The following FOXK1 variants were observed in gnomAD, a reference collection of about 807,000 sequenced individuals.
FOXK1 encodes forkhead box protein K1.
FOXK1 carries 19 observed loss-of-function variants against 51.9 expected under a neutral mutation model. That is an observed-to-expected ratio of 0.37 (90% CI 0.26 to 0.54). The LOEUF (loss-of-function observed/expected upper bound fraction) is 0.54. Among genes scored for constraint, FOXK1 ranks in the 20% least tolerant of loss-of-function variants. The pLI is 0.87. For missense variants in FOXK1, 870 were observed against 1,032.7 expected, an observed-to-expected ratio of 0.84 and a Z score of 2.16; for synonymous variants, 537 against 482.6, an observed-to-expected ratio of 1.11 and a Z score of -1.48.
At chr7:4,710,892 A>C (rs1368055290) in intron 1 of FOXK1, among the ~76,000 whole-genome samples, 1 of 151,190 alleles carries the variant, frequency 6.6e-6, no homozygotes. Flanking sequence ...GCTTGTTGTG[A>C]CTCTTGTTCC....
rs150285812 is a variant in FOXK1, at chr7:4,726,180, T to C, written c.561-14658T>C. ...AATTTGGATAGGAATGTCTATGCAG[T>C]GAGGGACAGGAGGCTTCCGTGTGTT... On this transcript the variant is annotated intron_variant, in intron 1 of 8. Coordinates refer to ENST00000328914, the MANE Select transcript of FOXK1 (RefSeq NM_001037165.2). Among the ~76,000 whole-genome samples the C allele has an allele frequency of 7.5e-3, 1,148 of 152,240 alleles. 12 individuals are homozygous for C. The highest frequency in any genetic ancestry group is 0.027 in the African/African-American group (1,102 of 41,544).
Position 4,767,853 on chromosome 7 carries a change from CGGTG to C in FOXK1, c.*5393_*5396del, listed in dbSNP as rs1340265446. The C allele has an allele frequency of 6.6e-6, 1 of 152,044 alleles. No homozygotes were observed. Among genetic ancestry groups the C allele is most frequent in the East Asian group, 1.9e-4 (1 of 5,152 alleles). The allele number at this position is 152,044 out of a possible 1,614,324, so 9.4% of individuals were successfully genotyped here. A position where few individuals can be genotyped will look rare whatever the true frequency, so the allele number is the denominator to read the frequency against. On this transcript the variant is annotated 3_prime_UTR_variant, in exon 9 of 9. Transcript: ENST00000328914. The surrounding 1 kb of genome is among the most constrained non-coding windows in gnomAD (Gnocchi z 6.6). Reference sequence around the variant, plus strand: ...GGAATCTGTGCTTTGCAGGGGATCTCGGTGGGTACCGCGGCCCCTCGCAGGGTGG... The same window carrying C: ...GGAATCTGTGCTTTGCAGGGGATCTCGGTACCGCGGCCCCTCGCAGGGTGG...
At chr7:4,696,937 G>A (rs539210503) in intron 1 of FOXK1, among the ~76,000 whole-genome samples, 8 of 152,170 alleles carry the variant, frequency 5.3e-5, no homozygotes, top group Non-Finnish European at 1.5e-5. Context: ...GCATGGTGGT[G>A]TGCTCCTGTA....
rs997534180 is a variant in FOXK1 at position 4,729,747 on chromosome 7, T to C, written c.561-11091T>C. On this transcript the variant is annotated intron_variant, in intron 1 of 8. Transcript: ENST00000328914. The surrounding 1 kb of genome is among the most constrained non-coding windows in gnomAD (Gnocchi z 6.2). Reference sequence around the variant, plus strand: ...GCTCACGCCTGTAATCCCAGCACTTTGGGAGGCCAAGGCAGGTGGATCACC... The same window carrying C: ...GCTCACGCCTGTAATCCCAGCACTTCGGGAGGCCAAGGCAGGTGGATCACC... 1.6e-4 allele frequency among the ~76,000 whole-genome samples: 25 copies of C among 152,190 alleles called. No individual in the cohort carries two copies. Among genetic ancestry groups the C allele is most frequent in the Admixed American group, 1.3e-4 (2 of 15,280 alleles).
Position 4,761,107 on chromosome 7 carries a change from G to C in FOXK1, c.1740G>C (p.Ala580=), listed in dbSNP as rs780896615. The C allele has an allele frequency of 1.9e-6, 3 of 1,613,010 alleles. No individual in the cohort carries two copies. Among genetic ancestry groups the C allele is most frequent in the Middle Eastern group, 3.3e-4 (2 of 6,054 alleles). Residue 580 remains alanine, a synonymous_variant, in exon 8 of 9, where the codon GCG becomes GCC. Coordinates refer to ENST00000328914, the MANE Select transcript of FOXK1 (RefSeq NM_001037165.2). The surrounding 1 kb of genome is among the most constrained non-coding windows in gnomAD (Gnocchi z 6.2). The stretch of plus-strand genomic sequence containing the variant: ...CCATTGCGTTTGCCACAATCCCCGC[G>C]GCTGGTGGAGTCATCCAGACGGTGG... ...KPTIAFATIP[A]AGGVIQTVAS... is the part of the protein sequence containing the mutation.
rs570203452 is a variant in FOXK1 at position 4,747,629 on chromosome 7, G to A, written c.746+6606G>A. Among the ~76,000 whole-genome samples the A allele has an allele frequency of 4.8e-4, 73 of 152,024 alleles. No individual in the cohort carries two copies. Among genetic ancestry groups the A allele is most frequent in the South Asian group, 2.3e-3 (11 of 4,816 alleles). ...CAGCTCACTGCAACCTCAACCTCCC[G>A]GGCTCAAGCGATCCTCCCACTGCAG... On this transcript the variant is annotated intron_variant, in intron 2 of 8. Coordinates refer to ENST00000328914, the MANE Select transcript of FOXK1 (RefSeq NM_001037165.2). This position sits in a 1 kb window ranked among gnomAD's most constrained non-coding sequence, Gnocchi z 9.2.
intron 1 of FOXK1, among the ~76,000 whole-genome samples, chr7:4,737,305 C>T (rs1780565452): frequency 1.3e-5 from 2 of 152,176 alleles, no homozygotes; most frequent in Admixed American, 1.3e-4. Context: ...TGGTCTGTTT[C>T]GTTGATTTGC....
At chr7:4,705,323 G>T (rs1234626333) in intron 1 of FOXK1, among the ~76,000 whole-genome samples, 1 of 151,974 alleles carries the variant, frequency 6.6e-6, no homozygotes, top group Non-Finnish European at 1.5e-5. Flanking sequence ...CAGTAGCTGG[G>T]ACTACAGGCG....
At chr7:4,687,951 G>T (rs930127317) in intron 1 of FOXK1, among the ~76,000 whole-genome samples, 18 of 152,048 alleles carry the variant, frequency 1.2e-4, no homozygotes, top group Non-Finnish European at 2.2e-4. Flanking sequence ...AGGTTAGTCT[G>T]GAACTCCTGC....
rs866161212 is a variant in FOXK1 at position 4,762,720 on chromosome 7, C to G, written c.*256C>G. ...TCTTTGCTTTCCTTTCCTTCTCCCT[C>G]GGCACCACCTCCTCTCCCCAGGCCT... On this transcript the variant is annotated 3_prime_UTR_variant, in exon 9 of 9. Transcript: ENST00000328914. This position sits in a 1 kb window ranked among gnomAD's most constrained non-coding sequence, Gnocchi z 5.7. 27 of 490,418 alleles carry G rather than the reference C, an allele frequency of 5.5e-5. No individual in the cohort carries two copies. Among genetic ancestry groups the G allele is most frequent in the Non-Finnish European group, 7.0e-5 (19 of 269,800 alleles). The allele number at this position is 490,418 out of a possible 1,614,324, so 30.4% of individuals were successfully genotyped here.
At chr7:4,720,928 A>C in intron 1 of FOXK1, among the ~76,000 whole-genome samples, 1 of 151,860 alleles carries the variant, frequency 6.6e-6, no homozygotes, top group East Asian at 1.9e-4. Flanking sequence ...AAAAGAAAAA[A>C]AAAACTCAAC....
At chr7:4,700,671 C>A (rs1211121124) in intron 1 of FOXK1, among the ~76,000 whole-genome samples, 1 of 152,094 alleles carries the variant, frequency 6.6e-6, no homozygotes, top group Non-Finnish European at 1.5e-5. Flanking sequence ...CAAAAATTAG[C>A]CAGGTGTGGT....
At position 4,682,375 on chromosome 7, in the gene FOXK1, C is replaced by T; in HGVS notation, c.67C>T (p.Pro23Ser). The T allele has an allele frequency of 1.0e-6, 1 of 986,790 alleles. No homozygotes were observed. The allele number at this position is 986,790 out of a possible 1,614,324, so 61.1% of individuals were successfully genotyped here. Residue 23 changes from proline (P) to serine (S), a missense_variant, in exon 1 of 9, where the codon CCA (proline) becomes TCA (serine). Coordinates refer to ENST00000328914, the MANE Select transcript of FOXK1 (RefSeq NM_001037165.2). This position sits in a 1 kb window ranked among gnomAD's most constrained non-coding sequence, Gnocchi z 7.6. ...LLALRSAPCSPVLCAAAAAAA... is the reference protein window; with the variant it reads ...LLALRSAPCSSVLCAAAAAAA... ...CGCGCTGCGCTCGGCGCCCTGCAGC[C>T]CAGTGCTGTGCGCCGCAGCCGCCGC...
At chr7:4,750,650 G>A (rs568554602) in intron 2 of FOXK1, among the ~76,000 whole-genome samples, 122 of 151,444 alleles carry the variant, frequency 8.1e-4, no homozygotes, top group African/African-American at 2.7e-3. Flanking sequence ...GGATTTCACC[G>A]TGTTAGCCAG....
At chr7:4,760,521 G>GA (rs1203214518) in intron 7 of FOXK1, among the ~76,000 whole-genome samples, 4 of 152,208 alleles carry the variant, frequency 2.6e-5, no homozygotes, top group Non-Finnish European at 2.9e-5. Flanking sequence ...TTCTTTCTCA[G>GA]ACTAAATTTG....
At chr7:4,687,336 G>A (rs766432531) in intron 1 of FOXK1, among the ~76,000 whole-genome samples, 8 of 149,698 alleles carry the variant, frequency 5.3e-5, no homozygotes, top group Non-Finnish European at 1.0e-4. Flanking sequence ...TCTGTTGCCC[G>A]GGCTGGAGTG....
rs10240550 is a variant in FOXK1, at chr7:4,687,923, G to T, written c.560+5055G>T. On this transcript the variant is annotated intron_variant, in intron 1 of 8. Transcript: ENST00000328914. ...TATTTTTTAATTTTGTAGAGACAGG[G>T]TCTCAACCATGTTGCCCAGGTTAGT... Among the ~76,000 whole-genome samples, 203 of 152,188 alleles carry T rather than the reference G, an allele frequency of 1.3e-3. 1 individual carries two copies. The highest frequency in any genetic ancestry group is 4.1e-3 in the African/African-American group (172 of 41,528).
intron 7 of FOXK1, 85 bp from the exon 8 acceptor site, chr7:4,760,979 A>T: frequency 7.6e-7 from 1 of 1,323,866 alleles, no homozygotes; most frequent in Non-Finnish European, 1.1e-6. Flanking sequence ...CACTTTCCCC[A>T]CTTGTCCGAC....
Position 4,767,170 on chromosome 7 carries a change from A to C in FOXK1, c.*4706A>C, listed in dbSNP as rs1781023126. The C allele has an allele frequency of 6.6e-6, 1 of 152,264 alleles. No individual in the cohort carries two copies. Among genetic ancestry groups the C allele is most frequent in the Non-Finnish European group, 1.5e-5 (1 of 68,074 alleles). 9.4% of individuals were successfully genotyped at this position (152,264 alleles called of 1,614,324 possible). A position where few individuals can be genotyped will look rare whatever the true frequency, so the allele number is the denominator to read the frequency against. On this transcript the variant is annotated 3_prime_UTR_variant, in exon 9 of 9. Transcript: ENST00000328914. The surrounding 1 kb of genome is among the most constrained non-coding windows in gnomAD (Gnocchi z 6.6). The stretch of plus-strand genomic sequence containing the variant: ...CCTCTAGAGAGGACACCCCAAGTCC[A>C]TCCTGGGCTCCTCCTCACCCCTCTG...
Sources: gnomAD v4.1 joint callset for allele counts (sites outside exome capture counted in the v4.1 genomes callset) on GRCh38, gnomAD v4.1.1 for gene constraint, Gnocchi (gnomAD v3.1) non-coding constraint, MANE v1.5 for transcripts, NCBI Gene and HGNC (gene_info 2026-07-23, HGNC 2026-07-21) for gene names.